The following TMTC3 variants were observed in gnomAD, a reference collection of about 807,000 sequenced individuals.
TMTC3 encodes the protein transmembrane O-mannosyltransferase targeting cadherins 3.
TMTC3 carries 52 observed loss-of-function variants against 92.2 expected under a neutral mutation model. The ratio of observed to expected loss-of-function variants is 0.56; its 90% CI spans 0.45 to 0.71. TMTC3 has a LOEUF of 0.71. TMTC3 is among the 30% of genes least tolerant of loss of function. The pLI, the probability that TMTC3 is intolerant of heterozygous loss-of-function variation, is 0.00. For missense variants in TMTC3, 896 were observed against 1,057.1 expected (o/e 0.85, Z 2.11); for synonymous variants, 339 against 363.3 (o/e 0.93, Z 0.76).
chr12:88,168,888 G>T (rs1375148698), intron 7 of TMTC3, among the ~76,000 whole-genome samples: 1 of 152,154 alleles, frequency 6.6e-6, no homozygotes, highest in African/African-American at 2.4e-5. Flanking sequence ...ATTAGAGAAG[G>T]GATAATTGTT....
At chr12:88,172,576 A>G in intron 7 of TMTC3, 21 bp from the exon 8 acceptor site, 2 of 1,286,992 alleles carry the variant, frequency 1.6e-6, no homozygotes, top group Non-Finnish European at 2.0e-6. Flanking sequence ...AAATTATTAA[A>G]TCTTCTTTTT....
At position 88,195,581 on chromosome 12, in the gene TMTC3, A is replaced by G; in HGVS notation, c.2677A>G (p.Ile893Val). 1 of 1,607,144 alleles carries G rather than the reference A, an allele frequency of 6.2e-7. No individual in the cohort carries two copies. The highest frequency in any genetic ancestry group is 1.3e-5 in the African/African-American group (1 of 74,378). The change falls in exon 14 of 14, where the codon ATT becomes GTT. Residue 893 changes from isoleucine to valine, a missense_variant. Physicochemically the swap from Ile to Val is conservative, Grantham distance 29. Coordinates refer to ENST00000266712, the MANE Select transcript of TMTC3 (RefSeq NM_181783.4). ...CAAAACAACAAAAGACATCAAAGAA[A>G]TTGAGAAGAAAAGAGTTGCTGCTTT... ...PHKTTKDIKE[I>V]EKKRVAALKR...
At chr12:88,183,490 G>A (rs1416527580) in intron 10 of TMTC3, among the ~76,000 whole-genome samples, 3 of 152,164 alleles carry the variant, frequency 2.0e-5, no homozygotes, top group Non-Finnish European at 4.4e-5. Context: ...ATTTATTGGA[G>A]GAGGGGCCTC....
rs1159704430 is a variant in TMTC3, at chr12:88,148,072, G to A, written c.-28-216G>A. 2.0e-5 allele frequency among the ~76,000 whole-genome samples: 3 copies of A among 152,062 alleles called. No individual in the cohort carries two copies. In the East Asian group the frequency reaches 5.8e-4, roughly 29 times the overall value. ...ACTTGGCTTTATCCCGTAAGAGAGGGGGCTGACATAATGTCCCCGTTATCA... is the reference window on the plus strand; with the variant it reads ...ACTTGGCTTTATCCCGTAAGAGAGGAGGCTGACATAATGTCCCCGTTATCA... On this transcript the variant is annotated intron_variant, in intron 1 of 13. Coordinates refer to ENST00000266712, the MANE Select transcript of TMTC3 (RefSeq NM_181783.4).
intron 12 of TMTC3, among the ~76,000 whole-genome samples, chr12:88,191,232 G>T (rs550088674): frequency 6.6e-6 from 1 of 152,160 alleles, no homozygotes; most frequent in Admixed American, 6.5e-5. Context: ...CTGAATTTAA[G>T]TTTTTGAGAT....
rs994926404 is a variant in TMTC3, at chr12:88,198,604, G to T, written c.*2955G>T. 4 of 390,714 alleles carry T rather than the reference G, an allele frequency of 1.0e-5. No homozygotes were observed. The highest frequency in any genetic ancestry group is 1.8e-5 in the Non-Finnish European group (4 of 221,324). 24.2% of individuals were successfully genotyped at this position (390,714 alleles called of 1,614,324 possible). On this transcript the variant is annotated 3_prime_UTR_variant, in exon 14 of 14. Coordinates refer to ENST00000266712, the MANE Select transcript of TMTC3 (RefSeq NM_181783.4). Reference sequence around the variant, plus strand: ...ATAACGTATTTTGCTTTTCAATTTTGTGTTTGTTTACTTTTATGTAAAAAT... The same window carrying T: ...ATAACGTATTTTGCTTTTCAATTTTTTGTTTGTTTACTTTTATGTAAAAAT...
intron 2 of TMTC3, among the ~76,000 whole-genome samples, chr12:88,150,426 G>T (rs1228365632): frequency 6.6e-6 from 1 of 152,126 alleles, no homozygotes; most frequent in Non-Finnish European, 1.5e-5. Context: ...TAAGATTTGG[G>T]CAGGGACACA....
intron 10 of TMTC3, among the ~76,000 whole-genome samples, chr12:88,185,531 A>T (rs910358162): frequency 6.6e-6 from 1 of 152,312 alleles, no homozygotes; most frequent in Non-Finnish European, 1.5e-5. Context: ...TGTTACAAAC[A>T]TGGCTGTTAC....
intron 2 of TMTC3, among the ~76,000 whole-genome samples, chr12:88,151,992 C>T (rs1176195978): frequency 3.9e-5 from 6 of 152,112 alleles, no homozygotes; most frequent in African/African-American, 1.2e-4. Context: ...TTTGTGTTTC[C>T]TAATGTTCCC....
chr12:88,175,214 G>A (rs1164345589), intron 9 of TMTC3, among the ~76,000 whole-genome samples: 4 of 151,566 alleles, frequency 2.6e-5, no homozygotes, highest in Non-Finnish European at 5.9e-5. Context: ...AAGATAACCA[G>A]TGGTTACAAT....
chr12:88,184,113 G>C (rs2041349005), intron 10 of TMTC3, among the ~76,000 whole-genome samples: 1 of 152,084 alleles, frequency 6.6e-6, no homozygotes, highest in Non-Finnish European at 1.5e-5. Context: ...GCGTGACAGC[G>C]TGGCTAGGGG....
At position 88,195,982 on chromosome 12, in the gene TMTC3, C is replaced by A. The variant is rs542054979; in HGVS notation, c.*333C>A. On this transcript the variant is annotated 3_prime_UTR_variant, in exon 14 of 14. Transcript: ENST00000266712. ...AATTTTGAGGCCTGAATGATAATCC[C>A]TTGAGGACAAATCCAACATGTGCTG... 1.1e-5 allele frequency: 2 copies of A among 177,634 alleles called. No homozygotes were observed. The highest frequency in any genetic ancestry group is 4.7e-5 in the African/African-American group (2 of 42,196). The allele number at this position is 177,634 out of a possible 1,614,324, so 11.0% of individuals were successfully genotyped here.
chr12:88,150,820 T>C (rs2040933964), intron 2 of TMTC3, among the ~76,000 whole-genome samples: 1 of 152,162 alleles, frequency 6.6e-6, no homozygotes, highest in Admixed American at 6.5e-5. Context: ...ACAAGAATTT[T>C]TGTACCAATG....
At chr12:88,188,787 T>C (rs1592749985) in intron 10 of TMTC3, 56 bp from the exon 11 acceptor site, 1 of 794,352 alleles carries the variant, frequency 1.3e-6, no homozygotes, top group East Asian at 2.6e-5. Flanking sequence ...TTTCATTGAG[T>C]ATATTGAATA....
rs2041533877 is a variant in TMTC3, at chr12:88,197,909, C to T, written c.*2260C>T. 6.5e-6 allele frequency: 1 copy of T among 154,392 alleles called. No homozygotes were observed. The highest frequency in any genetic ancestry group is 2.4e-5 in the African/African-American group (1 of 41,540). The allele number at this position is 154,392 out of a possible 1,614,324, so 9.6% of individuals were successfully genotyped here. A position where few individuals can be genotyped will look rare whatever the true frequency, so the allele number is the denominator to read the frequency against. On this transcript the variant is annotated 3_prime_UTR_variant, in exon 14 of 14. Transcript: ENST00000266712. ...GGAGCCATGCTTGTTTTTCCAAAAGCTCTTTGAGTGATTCTAATTTGTAGT... is the reference window on the plus strand; with the variant it reads ...GGAGCCATGCTTGTTTTTCCAAAAGTTCTTTGAGTGATTCTAATTTGTAGT...
At chr12:88,175,537 T>C (rs2041250173) in intron 9 of TMTC3, among the ~76,000 whole-genome samples, 1 of 152,166 alleles carries the variant, frequency 6.6e-6, no homozygotes, top group African/African-American at 2.4e-5. Context: ...ACTCAGTAGC[T>C]CTACTCTCTC....
At chr12:88,159,070 A>G (rs1444005449) in intron 4 of TMTC3, among the ~76,000 whole-genome samples, 2 of 151,456 alleles carry the variant, frequency 1.3e-5, no homozygotes, top group African/African-American at 4.8e-5. Context: ...AAAAAAGGAA[A>G]AAAAAAAAAA....
intron 9 of TMTC3, 45 bp from the exon 10 acceptor site, chr12:88,176,163 A>G (rs2041256668): frequency 7.8e-7 from 1 of 1,290,310 alleles, no homozygotes; most frequent in South Asian, 1.3e-5. Flanking sequence ...AACTGGAGTC[A>G]TTTTTTTTTA....
At chr12:88,188,265 T>C (rs2041401331) in intron 10 of TMTC3, among the ~76,000 whole-genome samples, 2 of 152,174 alleles carry the variant, frequency 1.3e-5, no homozygotes, top group South Asian at 4.1e-4. Context: ...TCCACCATGA[T>C]GCATATTTGT....
Sources: allele counts gnomAD v4.1 joint callset (sites outside exome capture counted in the v4.1 genomes callset), GRCh38; gene constraint gnomAD v4.1.1; transcripts MANE v1.5; gene names NCBI Gene and HGNC (gene_info 2026-07-23, HGNC 2026-07-21).